MCC: variants seen among roughly 807,000 people sequenced by gnomAD.
The protein encoded by MCC is MCC regulator of Wnt signaling pathway, also known as colorectal mutant cancer protein.
MCC carries 90 observed loss-of-function variants against 116.2 expected under a neutral mutation model. The observed-to-expected ratio is 0.77, with a 90% CI of 0.65 to 0.92. MCC has a LOEUF of 0.92. Among genes scored for constraint, MCC ranks in the 40% least tolerant of loss-of-function variants. The probability of loss-of-function intolerance (pLI) is 0.00; values close to 1 mark genes in which losing one functional copy is unlikely to be tolerated. For missense variants in MCC, 1,516 were observed against 1,312.2 expected, an observed-to-expected ratio of 1.16 and a Z score of -2.40; for synonymous variants, 578 against 510.5, an observed-to-expected ratio of 1.13 and a Z score of -1.78.
intron 8 of MCC, among the ~76,000 whole-genome samples, chr5:113,090,063 T>A (rs772250245): frequency 6.6e-5 from 10 of 152,006 alleles, no homozygotes; most frequent in Non-Finnish European, 1.3e-4. Context: ...GATAGATAGA[T>A]TTAGGAATGC....
intron 3 of MCC, among the ~76,000 whole-genome samples, chr5:113,335,932 A>C (rs538036715): frequency 6.6e-6 from 1 of 151,876 alleles, no homozygotes; most frequent in Non-Finnish European, 1.5e-5. Flanking sequence ...GCTATCACAG[A>C]ATATCTGAAA....
At chr5:113,151,029 G>C (rs536565484) in intron 4 of MCC, among the ~76,000 whole-genome samples, 1 of 152,330 alleles carries the variant, frequency 6.6e-6, no homozygotes, top group East Asian at 1.9e-4. Flanking sequence ...GGGTGACAGA[G>C]CAAGACTCTG....
chr5:113,292,113 T>A (rs1766520508), intron 3 of MCC, among the ~76,000 whole-genome samples: 1 of 152,134 alleles, frequency 6.6e-6, no homozygotes, highest in Non-Finnish European at 1.5e-5. Context: ...ATGCCTGTAA[T>A]TCCAGCTACT....
In MCC at chr5:113,024,237, C is replaced by G. The variant is rs940479151; in HGVS notation, c.*3065G>C. On this transcript the variant is annotated 3_prime_UTR_variant, in exon 19 of 19. Coordinates refer to ENST00000408903, the MANE Select transcript of MCC (RefSeq NM_001085377.2). ...TTTTAAAAGTTAAGTGCTAGTTAAA[C>G]ATAACATTTGTTTCAGGCAGCATGG... 4 of 152,206 alleles carry G rather than the reference C, an allele frequency of 2.6e-5. No homozygotes were observed. The highest frequency in any genetic ancestry group is 7.2e-5 in the African/African-American group (3 of 41,456). The allele number at this position is 152,206 out of a possible 1,614,324, so 9.4% of individuals were successfully genotyped here.
chr5:113,456,780 T>C (rs939587582), intron 1 of MCC, among the ~76,000 whole-genome samples: 1 of 132,436 alleles, frequency 7.6e-6, no homozygotes, highest in Middle Eastern at 3.6e-3. Flanking sequence ...CAATGAGCAC[T>C]ACTTTTTTTT....
At chr5:113,072,739 G>C (rs930868952) in intron 11 of MCC, among the ~76,000 whole-genome samples, 4 of 152,304 alleles carry the variant, frequency 2.6e-5, no homozygotes, top group Non-Finnish European at 4.4e-5. Context: ...TCCCACCCTA[G>C]GGGTGATTTC....
At chr5:113,407,954 A>G (rs1444558702) in intron 1 of MCC, among the ~76,000 whole-genome samples, 1 of 152,228 alleles carries the variant, frequency 6.6e-6, no homozygotes, top group African/African-American at 2.4e-5. Context: ...CTGGCTAGTT[A>G]GTGCCAAAAC....
chr5:113,336,891 G>A (rs1046350686), intron 3 of MCC, among the ~76,000 whole-genome samples: 1 of 152,220 alleles, frequency 6.6e-6, no homozygotes, highest in African/African-American at 2.4e-5. Context: ...AGAAAAGGAA[G>A]AGATGCTTAG....
intron 1 of MCC, among the ~76,000 whole-genome samples, chr5:113,423,195 G>C (rs1459991161): frequency 6.6e-6 from 1 of 152,028 alleles, no homozygotes; most frequent in East Asian, 1.9e-4. Context: ...CGTGCTTTTT[G>C]TTGATAACTT....
intron 3 of MCC, among the ~76,000 whole-genome samples, chr5:113,249,020 T>A (rs912047185): frequency 2.0e-5 from 3 of 152,062 alleles, no homozygotes; most frequent in Non-Finnish European, 2.9e-5. Context: ...ATTTTTGTAT[T>A]TTTAGTAGAG....
intron 3 of MCC, among the ~76,000 whole-genome samples, chr5:113,319,847 T>A (rs1767376221): frequency 6.6e-6 from 1 of 152,210 alleles, no homozygotes; most frequent in Non-Finnish European, 1.5e-5. Context: ...TGCAAAACTT[T>A]GCCTTGGAGA....
At chr5:113,281,512 G>T (rs1415730108) in intron 3 of MCC, among the ~76,000 whole-genome samples, 1 of 152,130 alleles carries the variant, frequency 6.6e-6, no homozygotes, top group Non-Finnish European at 1.5e-5. Flanking sequence ...AATCATGATG[G>T]TCATCCAAAG....
At chr5:113,031,316 G>A (rs933485722) in intron 17 of MCC, among the ~76,000 whole-genome samples, 3 of 152,064 alleles carry the variant, frequency 2.0e-5, no homozygotes, top group Non-Finnish European at 2.9e-5. Context: ...GGACATCTCG[G>A]ATCTGGCTGC....
intron 3 of MCC, among the ~76,000 whole-genome samples, chr5:113,315,423 CAA>C (rs1284567626): frequency 6.6e-6 from 1 of 152,036 alleles, no homozygotes; most frequent in African/African-American, 2.4e-5. Flanking sequence ...TTTAATAGAA[CAA>C]AAAGAGAAGA....
chr5:113,104,689 A>G (rs548899170), intron 6 of MCC: 1 of 199,220 alleles, frequency 5.0e-6, no homozygotes, highest in South Asian at 1.5e-4. Context: ...GTCTGCTGTC[A>G]TTCAGACAAG....
At chr5:113,069,865 C>T (rs566368165) in intron 12 of MCC, among the ~76,000 whole-genome samples, 2 of 152,214 alleles carry the variant, frequency 1.3e-5, no homozygotes, top group Non-Finnish European at 2.9e-5. Context: ...GGATTCCAGG[C>T]GTGAGCCACC....
intron 13 of MCC, among the ~76,000 whole-genome samples, chr5:113,066,681 C>A (rs1032285890): frequency 6.6e-6 from 1 of 152,164 alleles, no homozygotes; most frequent in Admixed American, 6.5e-5. Flanking sequence ...CAAAAGTGAG[C>A]CCCCAGACAA....
chr5:113,423,340 A>G (rs1438972818), intron 1 of MCC, among the ~76,000 whole-genome samples: 1 of 152,192 alleles, frequency 6.6e-6, no homozygotes, highest in Non-Finnish European at 1.5e-5. Context: ...GCTCAATGTT[A>G]ATGAATCAAC....
In MCC at chr5:113,049,130, C is replaced by A. The variant is rs781450386; in HGVS notation, c.2618G>T (p.Ser873Ile). Residue 873 changes from serine (S) to isoleucine (I), a missense_variant, in exon 16 of 19, where the codon AGC becomes ATC. Physicochemically the swap from Ser to Ile is moderately radical, Grantham distance 142 (BLOSUM62 -2). Coordinates refer to ENST00000408903, the MANE Select transcript of MCC (RefSeq NM_001085377.2). ...GTCTTTGCTGCCGCTGCTGGTGGAG[C>A]TGAGGGATCGCATCCGCTGCTCCTT... Reference protein sequence around the residue: ...EQKEQRMRSLSSTSSGSKDKP... With the variant: ...EQKEQRMRSLISTSSGSKDKP... 8.1e-6 allele frequency: 13 copies of A among 1,614,232 alleles called. No individual in the cohort carries two copies. The East Asian group carries it at 2.7e-4, about 33-fold the overall frequency.
Sources: allele counts gnomAD v4.1 joint callset (sites outside exome capture counted in the v4.1 genomes callset), GRCh38; gene constraint gnomAD v4.1.1; transcripts MANE v1.5; gene names NCBI Gene and HGNC (gene_info 2026-07-23, HGNC 2026-07-21).